Variants in ARHGAP8 observed in about 807,000 individuals in gnomAD.
ARHGAP8 encodes rho GTPase-activating protein 8.
Under a neutral mutation model 46.1 loss-of-function variants are expected in ARHGAP8, and 62 were observed. The observed-to-expected ratio is 1.34, with a 90% CI of 1.10 to 1.66. ARHGAP8 has a LOEUF of 1.66. ARHGAP8 is among the 40% of genes most tolerant of loss of function. ARHGAP8 has a pLI of 0.00. For missense variants in ARHGAP8, 923 were observed against 568.4 expected, an observed-to-expected ratio of 1.62 and a Z score of -6.34; for synonymous variants, 375 against 243.1, an observed-to-expected ratio of 1.54 and a Z score of -5.05.
In ARHGAP8 at chr22:44,862,606, A is replaced by C. The variant is rs762893738; in HGVS notation, c.*11A>C. The C allele has an allele frequency of 8.4e-6, 13 of 1,540,554 alleles. No individual in the cohort carries two copies. The highest frequency in any genetic ancestry group is 2.4e-5 in the East Asian group (1 of 41,506). ...AGAAGACGTCTCTAGTGTTGCGAACACTCTGTATATTTCGAGCTACCTCCC... is the reference window on the plus strand; with the variant it reads ...AGAAGACGTCTCTAGTGTTGCGAACCCTCTGTATATTTCGAGCTACCTCCC... On this transcript the variant is annotated 3_prime_UTR_variant, in exon 12 of 12. Coordinates refer to ENST00000356099, the MANE Select transcript of ARHGAP8 (RefSeq NM_181335.3).
At chr22:44,845,009 CT>C (rs2069918144) in intron 7 of ARHGAP8, among the ~76,000 whole-genome samples, 2 of 152,164 alleles carry the variant, frequency 1.3e-5, no homozygotes, top group South Asian at 4.1e-4. Flanking sequence ...AAGTTGCCCC[CT>C]GGGGAAGCCC....
intron 10 of ARHGAP8, among the ~76,000 whole-genome samples, chr22:44,855,923 C>CT (rs2070209445): frequency 6.6e-6 from 1 of 152,198 alleles, no homozygotes; most frequent in Non-Finnish European, 1.5e-5. Context: ...TTGGCATCTG[C>CT]TTGGCTTCCA....
chr22:44,800,989 C>G (rs372054421), intron 2 of ARHGAP8, among the ~76,000 whole-genome samples: 4 of 15,806 alleles, frequency 2.5e-4, no homozygotes, highest in Admixed American at 6.0e-4. Flanking sequence ...TGTGTGGGGG[C>G]CGCCTCTCCC....
chr22:44,809,956 C>T (rs1929219153), intron 4 of ARHGAP8, among the ~76,000 whole-genome samples: 1 of 152,154 alleles, frequency 6.6e-6, no homozygotes, highest in Non-Finnish European at 1.5e-5. Context: ...CATCCTATGT[C>T]TTAGGGAAAG....
At chr22:44,860,017 G>T (rs541909111) in intron 11 of ARHGAP8, among the ~76,000 whole-genome samples, 183 bp downstream of exon 11, 2 of 109,962 alleles carry the variant, frequency 1.8e-5, no homozygotes, top group African/African-American at 3.0e-5. Flanking sequence ...ATGCTGCTGC[G>T]GACCTCCTGC....
intron 10 of ARHGAP8, 127 bp from the exon 11 acceptor site, chr22:44,859,604 A>T (rs4510320): frequency 2.0e-6 from 2 of 1,020,236 alleles, no homozygotes; most frequent in Non-Finnish European, 2.9e-6. Context: ...TGGGGGTCCC[A>T]AGCCCAAATG....
At chr22:44,766,535 CAT>C (rs1216148500) in intron 1 of ARHGAP8, among the ~76,000 whole-genome samples, 2 of 151,730 alleles carry the variant, frequency 1.3e-5, no homozygotes, top group African/African-American at 2.4e-5. Context: ...TGTCTGTAGG[CAT>C]GTGTGTCTGC....
intron 1 of ARHGAP8, among the ~76,000 whole-genome samples, chr22:44,773,146 G>A (rs552265325): frequency 2.9e-4 from 44 of 152,008 alleles, no homozygotes; most frequent in South Asian, 2.1e-4. Flanking sequence ...TTTGACTTAC[G>A]TACTAGATAG....
chr22:44,791,115 A>G (rs972339010), intron 2 of ARHGAP8, among the ~76,000 whole-genome samples: 1 of 151,956 alleles, frequency 6.6e-6, no homozygotes, highest in Non-Finnish European at 1.5e-5. Flanking sequence ...CAGATTATTC[A>G]TCCTTCTCCC....
intron 2 of ARHGAP8, among the ~76,000 whole-genome samples, chr22:44,794,955 C>A (rs896801128): frequency 1.4e-5 from 2 of 145,694 alleles, no homozygotes; most frequent in African/African-American, 2.6e-5. Context: ...AAGGGAGGAT[C>A]GTTTGAGCCC....
intron 11 of ARHGAP8, among the ~76,000 whole-genome samples, chr22:44,861,470 A>AG (rs1050182520): frequency 9.3e-5 from 11 of 118,054 alleles, no homozygotes; most frequent in Non-Finnish European, 9.7e-5. Context: ...ACCGGCAGCC[A>AG]GGGGGAGCCT....
At chr22:44,823,538 A>G (rs1348135887) in intron 6 of ARHGAP8, among the ~76,000 whole-genome samples, 3 of 152,054 alleles carry the variant, frequency 2.0e-5, no homozygotes, top group African/African-American at 4.8e-5. Flanking sequence ...CCTTGGTGCC[A>G]AGCAGAGGAG....
Position 44,847,018 on chromosome 22 carries a change from C to T in ARHGAP8, c.671-955C>T, listed in dbSNP as rs567444387. ...GAAGGGGCTCGTGGCTGTGGGAGTG[C>T]GGGAGCGTGCGGGGCTTCGAGGAAG... is the stretch of plus-strand genomic sequence containing the variant. On this transcript the variant is annotated intron_variant, in intron 8 of 11. Coordinates refer to ENST00000356099, the MANE Select transcript of ARHGAP8 (RefSeq NM_181335.3). 3.9e-4 allele frequency among the ~76,000 whole-genome samples: 60 copies of T among 152,224 alleles called. 1 individual carries two copies. The highest frequency in any genetic ancestry group is 2.9e-3 in the Admixed American group (45 of 15,294).
At chr22:44,810,900 G>A (rs1404341608) in intron 4 of ARHGAP8, among the ~76,000 whole-genome samples, 3 of 151,240 alleles carry the variant, frequency 2.0e-5, no homozygotes, top group Non-Finnish European at 2.9e-5. Flanking sequence ...GAGGAGAAGC[G>A]AGTGATGTGT....
intron 11 of ARHGAP8, among the ~76,000 whole-genome samples, chr22:44,861,701 G>T (rs1432849940): frequency 6.6e-6 from 1 of 152,134 alleles, no homozygotes; most frequent in African/African-American, 2.4e-5. Flanking sequence ...CCACTGGCTG[G>T]CCACATGACC....
intron 2 of ARHGAP8, among the ~76,000 whole-genome samples, chr22:44,793,269 G>A (rs1393425412): frequency 6.6e-6 from 1 of 152,152 alleles, no homozygotes; most frequent in Non-Finnish European, 1.5e-5. Flanking sequence ...GTGAAGCAGG[G>A]TGGGGGATGG....
intron 10 of ARHGAP8, 78 bp from the exon 11 acceptor site, chr22:44,859,653 C>A: frequency 9.4e-7 from 1 of 1,068,184 alleles, no homozygotes; most frequent in South Asian, 1.8e-5. Context: ...TCCTACACCC[C>A]TGTTCTCCTC....
At chr22:44,792,790 A>ATAG (rs1927787185) in intron 2 of ARHGAP8, among the ~76,000 whole-genome samples, 4 of 97,580 alleles carry the variant, frequency 4.1e-5, no homozygotes, top group Admixed American at 3.1e-4. Flanking sequence ...GACACTAACG[A>ATAG]CAGTGGTGGT....
chr22:44,828,568 G>A (rs1930702909), intron 7 of ARHGAP8, among the ~76,000 whole-genome samples: 1 of 151,570 alleles, frequency 6.6e-6, no homozygotes, highest in African/African-American at 2.4e-5. Context: ...TCCTGCCTCA[G>A]CCTCCTGATT....
Sources: gnomAD v4.1 joint callset for allele counts (sites outside exome capture counted in the v4.1 genomes callset) on GRCh38, gnomAD v4.1.1 for gene constraint, MANE v1.5 for transcripts, NCBI Gene and HGNC (gene_info 2026-07-23, HGNC 2026-07-21) for gene names.